DPH6: variants seen among roughly 807,000 people sequenced by gnomAD.
DPH6 encodes the protein diphthine--ammonia ligase.
In DPH6, 33 loss-of-function variants were observed where a neutral mutation model predicts 38.2. That is an observed-to-expected ratio of 0.86 (90% CI 0.65 to 1.15). DPH6 has a LOEUF of 1.15. Among genes scored for constraint, DPH6 ranks in the 50% most tolerant of loss-of-function variants. The pLI is 0.00. For synonymous variants in DPH6, 108 were observed against 103.0 expected, an observed-to-expected ratio of 1.05 and a Z score of -0.30; for missense variants, 325 against 320.0, an observed-to-expected ratio of 1.02 and a Z score of -0.12.
chr15:35,225,825 A>G (rs1388602119), intron 3 of DPH6, among the ~76,000 whole-genome samples: 3 of 152,254 alleles, frequency 2.0e-5, no homozygotes, highest in African/African-American at 4.8e-5. Context: ...CTTAAATTTA[A>G]ATACCTGAGA....
exon 4 of DPH6, chr15:35,217,983 G>A (rs117439310): frequency 0.028 from 4,256 of 152,198 alleles, 88 homozygotes; most frequent in Middle Eastern, 0.041. Flanking sequence ...GTAAATAGTT[G>A]TTATACTGTA....
At position 35,371,197 on chromosome 15, in the gene DPH6, G is replaced by C. The variant is rs1270473799; in HGVS notation, c.*953C>G. On this transcript the variant is annotated 3_prime_UTR_variant, in exon 9 of 9. Coordinates refer to ENST00000256538, the MANE Select transcript of DPH6 (RefSeq NM_080650.4). Reference sequence around the variant, plus strand: ...AAAAGATCAGTTGCTAAGGGTTAAAGGAGAGGGAGGGATGAATAAGTAAAA... The same window carrying C: ...AAAAGATCAGTTGCTAAGGGTTAAACGAGAGGGAGGGATGAATAAGTAAAA... 1 of 151,740 alleles carries C rather than the reference G, an allele frequency of 6.6e-6. No homozygotes were observed. Among genetic ancestry groups the C allele is most frequent in the Non-Finnish European group, 1.5e-5 (1 of 67,782 alleles). 9.4% of individuals were successfully genotyped at this position (151,740 alleles called of 1,614,324 possible).
chr15:35,340,036 A>C (rs1373811287), intron 3 of DPH6, among the ~76,000 whole-genome samples: 1 of 152,104 alleles, frequency 6.6e-6, no homozygotes, highest in African/African-American at 2.4e-5. Context: ...GTCTCTAATA[A>C]ATTGCTTTAT....
At chr15:35,503,037 G>A (rs901445759) in intron 3 of DPH6, among the ~76,000 whole-genome samples, 3 of 150,526 alleles carry the variant, frequency 2.0e-5, no homozygotes, top group African/African-American at 7.3e-5. Flanking sequence ...GTTATTTCTT[G>A]TCCAGAAAAA....
At chr15:35,299,919 C>G (rs1391496350) in intron 3 of DPH6, among the ~76,000 whole-genome samples, 3 of 152,210 alleles carry the variant, frequency 2.0e-5, no homozygotes, top group Non-Finnish European at 2.9e-5. Flanking sequence ...TCAACACAAT[C>G]AAACATGCAC....
downstream of DPH6, among the ~76,000 whole-genome samples, chr15:35,330,205 A>AT (rs2052316692): frequency 6.6e-6 from 1 of 152,306 alleles, no homozygotes; most frequent in African/African-American, 2.4e-5. Context: ...GTATTCAGCC[A>AT]TGAACTCAGC....
chr15:35,529,274 A>G (rs2141252577), intron 3 of DPH6, among the ~76,000 whole-genome samples: 1 of 152,298 alleles, frequency 6.6e-6, no homozygotes, highest in Non-Finnish European at 1.5e-5. Context: ...ATCATGGCAG[A>G]AGTCGAAAGA....
At chr15:35,294,117 C>T (rs555335727) in intron 3 of DPH6, among the ~76,000 whole-genome samples, 1 of 152,296 alleles carries the variant, frequency 6.6e-6, no homozygotes, top group South Asian at 2.1e-4. Flanking sequence ...TGAATTGACT[C>T]CGTATATAGC....
intron 3 of DPH6, among the ~76,000 whole-genome samples, chr15:35,355,786 G>A (rs369792025): frequency 6.6e-5 from 10 of 152,186 alleles, no homozygotes; most frequent in African/African-American, 2.4e-4. Context: ...CTCAAGGAGT[G>A]TCTTTGTGGC....
At chr15:35,386,866 T>C (rs1017645948) in intron 6 of DPH6, among the ~76,000 whole-genome samples, 4 of 152,232 alleles carry the variant, frequency 2.6e-5, no homozygotes, top group African/African-American at 9.6e-5. Flanking sequence ...TTTGTCAATT[T>C]TGGCTTTTGT....
At chr15:35,182,220 ATTTTTTTTT>A in the DPH6 span, among the ~76,000 whole-genome samples, 1,099 of 86,000 alleles carry the variant, frequency 0.013, 49 homozygotes, top group East Asian at 0.051. Flanking sequence ...AACTCTAAGA[ATTTTTTTTT>A]TTTTTTTTTT....
chr15:35,475,451 C>G (rs1053812741), intron 3 of DPH6, among the ~76,000 whole-genome samples: 2 of 151,886 alleles, frequency 1.3e-5, no homozygotes, highest in Admixed American at 6.6e-5. Flanking sequence ...TCCAAATTTG[C>G]TAAAGTCTTT....
At chr15:35,331,521 T>C (rs905111832) in intron 3 of DPH6, among the ~76,000 whole-genome samples, 4 of 152,252 alleles carry the variant, frequency 2.6e-5, no homozygotes, top group Non-Finnish European at 2.9e-5. Context: ...CTATAAGTTA[T>C]TGGAAGATTT....
In DPH6 at chr15:35,361,375, T is replaced by C. The variant is rs1324485552; in HGVS notation, n.207+12146A>G. Among the ~76,000 whole-genome samples, 3 of 152,324 alleles carry C rather than the reference T, an allele frequency of 2.0e-5. No individual in the cohort carries two copies. In the East Asian group the frequency reaches 5.8e-4, roughly 29 times the overall value. ...TCTTGCCTATGTCACTCTCTAACTT[T>C]CAACAGTTTGATTGTAATGTATCTA... On this transcript the variant is annotated intron_variant and non_coding_transcript_variant, in intron 3 of 3. Coordinates refer to the DPH6 transcript ENST00000558973.
chr15:35,240,921 G>A (rs1363925435), intron 3 of DPH6, among the ~76,000 whole-genome samples: 12 of 142,296 alleles, frequency 8.4e-5, no homozygotes, highest in East Asian at 4.4e-4. Context: ...GAAAAAAGTT[G>A]CAATTCCTTG....
intron 3 of DPH6, among the ~76,000 whole-genome samples, chr15:35,298,053 T>C (rs1265717898): frequency 3.9e-5 from 6 of 152,212 alleles, no homozygotes; most frequent in Non-Finnish European, 5.9e-5. Context: ...CTTTTTGTTT[T>C]TTTTGTAAAC....
chr15:35,521,916 T>G (rs1384974854), intron 3 of DPH6: 1 of 1,416,574 alleles, frequency 7.1e-7, no homozygotes, highest in Non-Finnish European at 9.2e-7. Flanking sequence ...CTCCTTTAAG[T>G]TGAATACATG....
chr15:35,333,830 T>C (rs1285767696), intron 3 of DPH6, among the ~76,000 whole-genome samples: 2 of 152,122 alleles, frequency 1.3e-5, no homozygotes, highest in Non-Finnish European at 2.9e-5. Context: ...CACCCATAGG[T>C]TCACTGCAGC....
chr15:35,251,459 T>C (rs2051673265), intron 3 of DPH6, among the ~76,000 whole-genome samples: 2 of 152,202 alleles, frequency 1.3e-5, no homozygotes, highest in Admixed American at 1.3e-4. Context: ...GGGCTGATCA[T>C]GTCATTCTCA....
Sources: allele counts gnomAD v4.1 joint callset (sites outside exome capture counted in the v4.1 genomes callset), GRCh38; gene constraint gnomAD v4.1.1; transcripts MANE v1.5; gene names NCBI Gene and HGNC (gene_info 2026-07-23, HGNC 2026-07-21).